DEK: variants seen among roughly 807,000 people sequenced by gnomAD.
DEK encodes DEK proto-oncogene.
In DEK, 28 loss-of-function variants were observed where a neutral mutation model predicts 46.8. That is an observed-to-expected ratio of 0.60 (90% CI 0.44 to 0.82). The LOEUF (loss-of-function observed/expected upper bound fraction) is 0.82, where lower values mean the gene tolerates loss of function less well. DEK is among the 40% of genes least tolerant of loss of function. The pLI is 0.00. For missense variants in DEK, 416 were observed against 430.6 expected, an observed-to-expected ratio of 0.97 and a Z score of 0.30; for synonymous variants, 160 against 144.5, an observed-to-expected ratio of 1.11 and a Z score of -0.77.
intron 6 of DEK, among the ~76,000 whole-genome samples, chr6:18,252,721 A>G (rs1791441775): frequency 6.6e-6 from 1 of 152,162 alleles, no homozygotes; most frequent in African/African-American, 2.4e-5. Flanking sequence ...TATTTTCATA[A>G]TAATAGCAAC....
rs757755182 is a variant in DEK, at chr6:18,256,473, T to C, written c.358-18A>G. 6.3e-6 allele frequency: 10 copies of C among 1,590,846 alleles called. No homozygotes were observed. Among genetic ancestry groups the C allele is most frequent in the Non-Finnish European group, 8.6e-6 (10 of 1,163,714 alleles). On this transcript the variant is annotated intron_variant, in intron 4 of 10. Coordinates refer to ENST00000652689, the MANE Select transcript of DEK (RefSeq NM_003472.4). The stretch of plus-strand genomic sequence containing the variant: ...GAGGACACCTGAAAATGTTCCTTAT[T>C]ATTAATGGTATTTATTACCCAGTAA...
chr6:18,232,782 G>T (rs1322142440), intron 9 of DEK, among the ~76,000 whole-genome samples: 1 of 150,906 alleles, frequency 6.6e-6, no homozygotes, highest in African/African-American at 2.4e-5. Context: ...AATGGCCATA[G>T]ATAATTTATA....
At position 18,264,076 on chromosome 6, in the gene DEK, A is replaced by G; in HGVS notation, c.-9-80T>C. ...CCGGGCGGCCACCCTGAATGATGCT[A>G]CCCTTCCCGCGGGACACCTGCCCTG... On this transcript the variant is annotated intron_variant, in intron 1 of 10. Transcript: ENST00000652689. The G allele has an allele frequency of 3.0e-6, 4 of 1,318,138 alleles. No individual in the cohort carries two copies. In the South Asian group the frequency reaches 4.6e-5, roughly 15 times the overall value. 81.7% of individuals were successfully genotyped at this position (1,318,138 alleles called of 1,614,324 possible). A position where few individuals can be genotyped will look rare whatever the true frequency, so the allele number is the denominator to read the frequency against.
intron 6 of DEK, 64 bp downstream of exon 6, chr6:18,255,667 T>C (rs1791565613): frequency 1.3e-6 from 2 of 1,533,850 alleles, no homozygotes; most frequent in Admixed American, 4.3e-5. Flanking sequence ...ATTAATCAAT[T>C]TTTGTTTCAT....
chr6:18,225,682 A>G lies in DEK; in HGVS notation c.*37T>C. 2 of 1,607,902 alleles carry G rather than the reference A, an allele frequency of 1.2e-6. No individual in the cohort carries two copies. The highest frequency in any genetic ancestry group is 1.3e-5 in the African/African-American group (1 of 74,864). On this transcript the variant is annotated 3_prime_UTR_variant, in exon 11 of 11. Transcript: ENST00000652689. ...TATAATGGTATAAATCAGATCTTCA[A>G]ATCTATGGGAACGAGTCATCTTCTC...
chr6:18,256,498 A>AT, intron 4 of DEK, 43 bp from the exon 5 acceptor site: 1 of 1,508,458 alleles, frequency 6.6e-7, no homozygotes. Flanking sequence ...TTACCCAGTA[A>AT]TGTACACAAG....
chr6:18,225,834 A>C, intron 10 of DEK, 104 bp from the exon 11 acceptor site: 3 of 1,352,816 alleles, frequency 2.2e-6, no homozygotes. Flanking sequence ...AGTTGAGATC[A>C]ATACAGAATT....
chr6:18,239,353 TTTTTTTTTA>T (rs948902294), intron 7 of DEK, among the ~76,000 whole-genome samples: 9 of 144,580 alleles, frequency 6.2e-5, no homozygotes, highest in South Asian at 4.5e-4. Flanking sequence ...TTTTTTTTTT[TTTTTTTTTA>T]AAAAAAAGAG....
Position 18,224,424 on chromosome 6 carries a change from C to G in DEK, c.*1295G>C, listed in dbSNP as rs902948891. ...CACTTAATTGGTGCAACAAATGTGT[C>G]ATTGTGTCATAAACAGCATGTTTTA... On this transcript the variant is annotated 3_prime_UTR_variant, in exon 11 of 11. Coordinates refer to ENST00000652689, the MANE Select transcript of DEK (RefSeq NM_003472.4). 5.2e-6 allele frequency: 1 copy of G among 191,386 alleles called. No homozygotes were observed. The highest frequency in any genetic ancestry group is 2.3e-5 in the African/African-American group (1 of 43,008). 11.9% of individuals were successfully genotyped at this position (191,386 alleles called of 1,614,324 possible).
chr6:18,230,143 A>T (rs1004710225), intron 9 of DEK, among the ~76,000 whole-genome samples: 1 of 152,184 alleles, frequency 6.6e-6, no homozygotes, highest in Non-Finnish European at 1.5e-5. Context: ...TCATAAGTGA[A>T]GGAGAAATAA....
Position 18,256,458 on chromosome 6 carries a change from G to A in DEK, c.358-3C>T, listed in dbSNP as rs759487986. 7 of 1,607,680 alleles carry A rather than the reference G, an allele frequency of 4.4e-6. 1 individual carries two copies. Among genetic ancestry groups the A allele is most frequent in the Non-Finnish European group, 5.9e-6 (7 of 1,177,082 alleles). On this transcript the variant is annotated splice_polypyrimidine_tract_variant and splice_region_variant and intron_variant, in intron 4 of 10. Coordinates refer to ENST00000652689, the MANE Select transcript of DEK (RefSeq NM_003472.4). Reference sequence around the variant, plus strand: ...ACATTCTTCTTTAATGAGGACACCTGAAAATGTTCCTTATTATTAATGGTA... The same window carrying A: ...ACATTCTTCTTTAATGAGGACACCTAAAAATGTTCCTTATTATTAATGGTA...
intron 2 of DEK, among the ~76,000 whole-genome samples, chr6:18,260,124 C>T (rs541139018): frequency 3.3e-5 from 5 of 152,248 alleles, no homozygotes; most frequent in African/African-American, 1.2e-4. Context: ...ATGCTCAAGT[C>T]CCTTATTTTT....
intron 9 of DEK, among the ~76,000 whole-genome samples, chr6:18,227,591 G>T (rs1028383734): frequency 6.6e-6 from 1 of 151,942 alleles, no homozygotes; most frequent in Non-Finnish European, 1.5e-5. Flanking sequence ...GGTCCCCTGA[G>T]TCCCCTTATT....
intron 6 of DEK, 32 bp from the exon 7 acceptor site, chr6:18,249,871 G>A (rs528964669): frequency 7.1e-6 from 11 of 1,559,396 alleles, no homozygotes; most frequent in East Asian, 2.3e-5. Context: ...TAACACCAAT[G>A]AGGTATAATA....
At chr6:18,259,118 C>G (rs1476943371) in intron 2 of DEK, among the ~76,000 whole-genome samples, 3 of 151,892 alleles carry the variant, frequency 2.0e-5, no homozygotes, top group Non-Finnish European at 2.9e-5. Context: ...ATAACGAGGT[C>G]AGGAGATCAA....
At position 18,256,455 on chromosome 6, in the gene DEK, C is replaced by A; in HGVS notation, c.358G>T (p.Val120Leu). 3 of 1,609,844 alleles carry A rather than the reference C, an allele frequency of 1.9e-6. No homozygotes were observed. Among genetic ancestry groups the A allele is most frequent in the Non-Finnish European group, 1.7e-6 (2 of 1,177,934 alleles). Residue 120 changes from valine (V) to leucine (L), a missense_variant and splice_region_variant, in exon 5 of 11, where the codon GTG becomes TTG. Coordinates refer to ENST00000652689, the MANE Select transcript of DEK (RefSeq NM_003472.4). The part of the protein sequence containing the change: ...HKLLYNRPGT[V>L]SSLKKNVGQF... ...CCCACATTCTTCTTTAATGAGGACA[C>A]CTGAAAATGTTCCTTATTATTAATG...
intron 10 of DEK, 189 bp from the exon 11 acceptor site, chr6:18,225,919 T>C (rs767444504): frequency 2.0e-4 from 147 of 730,706 alleles, no homozygotes; most frequent in Non-Finnish European, 3.0e-4. Flanking sequence ...GAGAGCAACG[T>C]TGAGATGCCC....
At chr6:18,263,722 G>GA (rs1179266795) in intron 2 of DEK, 121 bp downstream of exon 2, 28 of 1,587,714 alleles carry the variant, frequency 1.8e-5, no homozygotes, top group Non-Finnish European at 2.3e-5. Context: ...CATTCTCGCT[G>GA]AAAATCACTC....
rs117541327 is a variant in DEK at position 18,225,715 on chromosome 6, T to C, written c.*4A>G. ...GGAACGAGTCATCTTCTCTGTCCTCTATCTCAAGAAATTAGCTGTAATGAA... is the reference window on the plus strand; with the variant it reads ...GGAACGAGTCATCTTCTCTGTCCTCCATCTCAAGAAATTAGCTGTAATGAA... On this transcript the variant is annotated 3_prime_UTR_variant, in exon 11 of 11. Transcript: ENST00000652689. 3.7e-6 allele frequency: 6 copies of C among 1,613,412 alleles called. No individual in the cohort carries two copies. Among genetic ancestry groups the C allele is most frequent in the African/African-American group, 2.7e-5 (2 of 75,036 alleles).
Sources: allele counts gnomAD v4.1 joint callset (sites outside exome capture counted in the v4.1 genomes callset), GRCh38; gene constraint gnomAD v4.1.1; transcripts MANE v1.5; gene names NCBI Gene and HGNC (gene_info 2026-07-23, HGNC 2026-07-21).